BLACAT1: variants seen among roughly 807,000 people sequenced by gnomAD.
The protein encoded by BLACAT1 is bladder cancer associated transcript 1.
chr1:205,447,015 G>T (rs1470783142), intron 1 of BLACAT1, among the ~76,000 whole-genome samples: 1 of 152,248 alleles, frequency 6.6e-6, no homozygotes, highest in Non-Finnish European at 1.5e-5. Context: ...CCAATTTGTG[G>T]ACGTGCATCC....
intron 1 of BLACAT1, among the ~76,000 whole-genome samples, chr1:205,449,549 A>G (rs1666458588): frequency 6.6e-6 from 1 of 152,140 alleles, no homozygotes; most frequent in Non-Finnish European, 1.5e-5. Flanking sequence ...TTCACTGGAC[A>G]GGAATCCTGC....
intron 1 of BLACAT1, among the ~76,000 whole-genome samples, chr1:205,446,965 C>A (rs1375331640): frequency 6.6e-6 from 1 of 152,194 alleles, no homozygotes; most frequent in African/African-American, 2.4e-5. Flanking sequence ...AAAAGGAAAA[C>A]CAGTGATGGA....
At chr1:205,445,695 C>T (rs1392963231) in intron 1 of BLACAT1, among the ~76,000 whole-genome samples, 1 of 152,228 alleles carries the variant, frequency 6.6e-6, no homozygotes, top group African/African-American at 2.4e-5. Context: ...GTCTTTGTGG[C>T]CTGCACTCAG....
exon 2 of BLACAT1, among the ~76,000 whole-genome samples, chr1:205,440,037 C>G (rs796873969): frequency 6.6e-6 from 1 of 151,968 alleles, no homozygotes; most frequent in African/African-American, 2.4e-5. Flanking sequence ...CTGAAGGCAC[C>G]ACATATGAAC....
downstream of BLACAT1, chr1:205,437,705 G>A (rs916968149): frequency 2.0e-5 from 3 of 152,218 alleles, no homozygotes; most frequent in Admixed American, 2.0e-4. Flanking sequence ...GACTCACAGA[G>A]CCCTGGACTC....
rs1029837532 is a variant in BLACAT1 at position 205,441,975 on chromosome 1, G to A, written c.-36-913C>T. ...TCAGGAGCTCAGCTTCAGTCTGCAAGAGTATCCCTTTCTCCAAAGGCTCAT... is the reference window on the plus strand; with the variant it reads ...TCAGGAGCTCAGCTTCAGTCTGCAAAAGTATCCCTTTCTCCAAAGGCTCAT... On this transcript the variant is annotated intron_variant, in intron 1 of 1. Coordinates refer to ENST00000629624, the Ensembl canonical transcript of BLACAT1. This position sits in a 1 kb window ranked among gnomAD's most constrained non-coding sequence, Gnocchi z 4.3. 6.6e-6 allele frequency among the ~76,000 whole-genome samples: 1 copy of A among 152,162 alleles called. No homozygotes were observed. The highest frequency in any genetic ancestry group is 1.5e-5 in the Non-Finnish European group (1 of 68,038).
rs761842795 is a variant in BLACAT1 at position 205,448,414 on chromosome 1, AGGAATCTCATAGGGAAGCGAGAAGCTG to A, written c.-36-7379_-36-7353del. ...CAGCAGAGTGGAGGGGTCCAGCGGC[AGGAATCTCATAGGGAAGCGAGAAGCTG>A]GGGCACCCGAGAAGCCCTCACTCCC... On this transcript the variant is annotated intron_variant, in intron 1 of 1. Transcript: ENST00000629624. The surrounding 1 kb of genome is among the most constrained non-coding windows in gnomAD (Gnocchi z 4.7). 2 of 533,908 alleles carry A rather than the reference AGGAATCTCATAGGGAAGCGAGAAGCTG, an allele frequency of 3.7e-6. No individual in the cohort carries two copies. 33.1% of individuals were successfully genotyped at this position (533,908 alleles called of 1,614,324 possible). A position where few individuals can be genotyped will look rare whatever the true frequency, so the allele number is the denominator to read the frequency against.
chr1:205,455,730 G>A (rs1302590469), intron 1 of BLACAT1, among the ~76,000 whole-genome samples, 187 bp downstream of exon 1: 2 of 152,098 alleles, frequency 1.3e-5, no homozygotes, highest in Admixed American at 1.3e-4. Context: ...GACGCAGCCC[G>A]CCGCCGGTCA....
chr1:205,443,102 TC>T (rs1666323789), intron 1 of BLACAT1, among the ~76,000 whole-genome samples: 1 of 152,184 alleles, frequency 6.6e-6, no homozygotes, highest in Admixed American at 6.5e-5. Flanking sequence ...CGTGCACTTC[TC>T]TTGCTGGGGA....
rs1442641572 is a variant in BLACAT1, at chr1:205,448,217, C to T, written c.-36-7155G>A. 2 of 469,724 alleles carry T rather than the reference C, an allele frequency of 4.3e-6. No individual in the cohort carries two copies. Among genetic ancestry groups the T allele is most frequent in the Non-Finnish European group, 8.9e-6 (2 of 224,524 alleles). The allele number at this position is 469,724 out of a possible 1,614,324, so 29.1% of individuals were successfully genotyped here. ...CAGGTTACCAGATCCCGTGATGCCC[C>T]ACCCCCAAGCAAAGCCTCCTTCTGG... On this transcript the variant is annotated intron_variant, in intron 1 of 1. Transcript: ENST00000629624. The surrounding 1 kb of genome is among the most constrained non-coding windows in gnomAD (Gnocchi z 4.7).
chr1:205,446,628 G>C (rs2102473348), intron 1 of BLACAT1, among the ~76,000 whole-genome samples: 1 of 152,274 alleles, frequency 6.6e-6, no homozygotes, highest in Middle Eastern at 3.4e-3. Flanking sequence ...TTCCAGTTAG[G>C]AGATCAGGAG....
downstream of BLACAT1, among the ~76,000 whole-genome samples, chr1:205,439,693 T>C (rs1356089494): frequency 6.6e-6 from 1 of 152,150 alleles, no homozygotes. Flanking sequence ...GGGGTCTGAC[T>C]TTGCTCCTTG....
intron 1 of BLACAT1, among the ~76,000 whole-genome samples, chr1:205,451,481 C>G (rs1165373336): frequency 6.6e-6 from 1 of 152,204 alleles, no homozygotes; most frequent in African/African-American, 2.4e-5. Context: ...GAAGTGGAGA[C>G]AGCCACCCGC....
chr1:205,436,039 T>C (rs769852043), downstream of BLACAT1: 3 of 152,178 alleles, frequency 2.0e-5, no homozygotes, highest in Non-Finnish European at 4.4e-5. Context: ...GGGATAAAAA[T>C]AGCAGTGTTG....
chr1:205,452,161 A>C (rs1449727930), intron 1 of BLACAT1, among the ~76,000 whole-genome samples: 1 of 152,190 alleles, frequency 6.6e-6, no homozygotes, highest in Non-Finnish European at 1.5e-5. Context: ...TGCAAGCTGC[A>C]GAAGCCAGGT....
chr1:205,445,832 AGTGTCAAACTTTC>A (rs1350163428), intron 1 of BLACAT1, among the ~76,000 whole-genome samples: 1 of 152,210 alleles, frequency 6.6e-6, no homozygotes, highest in Non-Finnish European at 1.5e-5. Flanking sequence ...GTCAAACTTT[AGTGTCAAACTTTC>A]GAAAGATGGG....
In BLACAT1 at chr1:205,447,165, T is replaced by C. The variant is rs80149420; in HGVS notation, c.-36-6103A>G. On this transcript the variant is annotated intron_variant, in intron 1 of 1. Transcript: ENST00000629624. ...GCATGGGTTTTGGCACCAGACCACG[T>C]GGGTTCACGTCCCAGTTGTGCTCCT... Among the ~76,000 whole-genome samples the C allele has an allele frequency of 4.2e-3, 636 of 152,324 alleles. 10 individuals are homozygous for C. The highest frequency in any genetic ancestry group is 0.034 in the South Asian group (162 of 4,832).
intron 1 of BLACAT1, among the ~76,000 whole-genome samples, chr1:205,445,667 C>A (rs1194100681): frequency 1.3e-5 from 2 of 152,208 alleles, no homozygotes; most frequent in African/African-American, 4.8e-5. Flanking sequence ...GAGGTCAGAG[C>A]AGCAATAGTC....
chr1:205,447,748 C>A (rs1302314659), intron 1 of BLACAT1, among the ~76,000 whole-genome samples: 2 of 90,372 alleles, frequency 2.2e-5, no homozygotes, highest in Admixed American at 1.2e-4. Flanking sequence ...TCCAGCCTGT[C>A]GCCCGGGGGA....
Sources: allele counts gnomAD v4.1 joint callset (sites outside exome capture counted in the v4.1 genomes callset), GRCh38; gene constraint gnomAD v4.1.1; non-coding constraint Gnocchi (gnomAD v3.1); transcripts MANE v1.5; gene names NCBI Gene and HGNC (gene_info 2026-07-23, HGNC 2026-07-21).